FNBP1L: variants seen among roughly 807,000 people sequenced by gnomAD.
The protein encoded by FNBP1L is formin-binding protein 1-like.
A neutral mutation model predicts 91.2 loss-of-function variants in FNBP1L; 36 were observed. That is an observed-to-expected ratio of 0.39 (90% CI 0.30 to 0.52). FNBP1L has a LOEUF of 0.52. Among genes scored for constraint, FNBP1L ranks in the 20% least tolerant of loss-of-function variants. The probability of loss-of-function intolerance (pLI) is 0.66; values close to 1 mark genes in which losing one functional copy is unlikely to be tolerated. For missense variants in FNBP1L, 571 were observed against 732.1 expected (o/e 0.78, Z 2.54); for synonymous variants, 242 against 237.0 (o/e 1.02, Z -0.19).
chr1:93,512,995 G>T (rs1670918481), intron 2 of FNBP1L, among the ~76,000 whole-genome samples: 1 of 151,998 alleles, frequency 6.6e-6, no homozygotes, highest in South Asian at 2.1e-4. Context: ...CTGGTTTTTT[G>T]AAAGGATCAA....
At chr1:93,452,552 A>G (rs1668532325) in intron 1 of FNBP1L, among the ~76,000 whole-genome samples, 1 of 152,204 alleles carries the variant, frequency 6.6e-6, no homozygotes, top group Non-Finnish European at 1.5e-5. Flanking sequence ...TCTGTAACAA[A>G]GGAATTGGGT....
At chr1:93,510,026 G>T (rs1418803031) in intron 2 of FNBP1L, among the ~76,000 whole-genome samples, 1 of 152,106 alleles carries the variant, frequency 6.6e-6, no homozygotes, top group Non-Finnish European at 1.5e-5. Flanking sequence ...GTGGCAGCCA[G>T]GCTGGGGGAG....
At position 93,521,772 on chromosome 1, in the gene FNBP1L, A is replaced by G. The variant is rs149853161; in HGVS notation, c.141-310A>G. The stretch of plus-strand genomic sequence containing the variant: ...TGGAACCCTGGAATACAGAGGGCCA[A>G]TTGTACTTTGTTTCTTCTATTCTTC... On this transcript the variant is annotated intron_variant, in intron 2 of 16. Transcript: ENST00000271234. 1.6e-4 allele frequency among the ~76,000 whole-genome samples: 24 copies of G among 152,298 alleles called. No homozygotes were observed. In the East Asian group the frequency reaches 4.2e-3, roughly 27 times the overall value.
At chr1:93,544,348 C>T (rs553978088) in intron 12 of FNBP1L, 132 bp downstream of exon 12, 2 of 504,970 alleles carry the variant, frequency 4.0e-6, no homozygotes, top group South Asian at 1.1e-4. Context: ...GAGAATTATA[C>T]TCCTACCCTG....
chr1:93,451,721 G>A (rs577071963), intron 1 of FNBP1L, among the ~76,000 whole-genome samples: 1 of 152,014 alleles, frequency 6.6e-6, no homozygotes, highest in East Asian at 1.9e-4. Flanking sequence ...GTGCGATCTC[G>A]GGTCACTGCA....
chr1:93,535,822 A>G (rs1236098340), intron 9 of FNBP1L, among the ~76,000 whole-genome samples: 1 of 145,570 alleles, frequency 6.9e-6, no homozygotes, highest in Non-Finnish European at 1.5e-5. Context: ...TACTGGAATT[A>G]AAAAAAAAAA....
At chr1:93,485,423 T>C (rs1193323906) in intron 1 of FNBP1L, among the ~76,000 whole-genome samples, 1 of 152,180 alleles carries the variant, frequency 6.6e-6, no homozygotes, top group South Asian at 2.1e-4. Flanking sequence ...CATTTATATA[T>C]TGAGTTTGCT....
chr1:93,467,612 C>T (rs1054618021), intron 1 of FNBP1L, among the ~76,000 whole-genome samples: 1 of 152,028 alleles, frequency 6.6e-6, no homozygotes, highest in Non-Finnish European at 1.5e-5. Flanking sequence ...CTGAACTGTA[C>T]ACTTAAAAAT....
At chr1:93,516,328 C>T (rs533666636) in intron 2 of FNBP1L, among the ~76,000 whole-genome samples, 11 of 152,330 alleles carry the variant, frequency 7.2e-5, no homozygotes, top group Admixed American at 3.3e-4. Flanking sequence ...GTCAAATGCT[C>T]TACCACCTGA....
In FNBP1L at chr1:93,523,433, A is replaced by G. The variant is rs1337592241; in HGVS notation, c.284A>G (p.His95Arg). Reference protein sequence around the residue: ...QREVVAEEMAHRVYGELMRYA... With the variant: ...QREVVAEEMARRVYGELMRYA... ...GAAGTTGTAGCAGAAGAAATGGCGC[A>G]CAGAGTGTATGGTGAATTAATGAGA... The change falls in exon 4 of 17, where the codon CAC becomes CGC. Residue 95 changes from histidine (H) to arginine (R), a missense_variant. Transcript: ENST00000271234. 2 of 1,610,642 alleles carry G rather than the reference A, an allele frequency of 1.2e-6. No homozygotes were observed. The highest frequency in any genetic ancestry group is 2.2e-5 in the East Asian group (1 of 44,840).
At chr1:93,450,257 G>C (rs1054246904) in intron 1 of FNBP1L, among the ~76,000 whole-genome samples, 10 of 152,114 alleles carry the variant, frequency 6.6e-5, no homozygotes, top group Admixed American at 3.3e-4. Context: ...AGCATTTAAA[G>C]AGTTTCTCAG....
intron 1 of FNBP1L, among the ~76,000 whole-genome samples, chr1:93,495,479 A>G (rs1670231943): frequency 6.6e-6 from 1 of 152,236 alleles, no homozygotes; most frequent in Admixed American, 6.5e-5. Flanking sequence ...TGCAAAGAAA[A>G]CTAAAGCAGG....
intron 5 of FNBP1L, 54 bp downstream of exon 5, chr1:93,524,377 C>G: frequency 3.1e-6 from 4 of 1,287,250 alleles, no homozygotes; most frequent in Non-Finnish European, 4.2e-6. Context: ...TAGATTAGCC[C>G]TAAATACTTT....
intron 1 of FNBP1L, among the ~76,000 whole-genome samples, chr1:93,470,740 G>T (rs1669255572): frequency 6.6e-6 from 1 of 152,010 alleles, no homozygotes; most frequent in South Asian, 2.1e-4. Flanking sequence ...AGGCGTCATG[G>T]TGCATGCCTG....
intron 1 of FNBP1L, among the ~76,000 whole-genome samples, chr1:93,456,314 A>T (rs1668657453): frequency 6.6e-6 from 1 of 152,236 alleles, no homozygotes; most frequent in Non-Finnish European, 1.5e-5. Context: ...CAAATATCTC[A>T]TGAAAGACGG....
chr1:93,470,673 G>T (rs560196460), intron 1 of FNBP1L, among the ~76,000 whole-genome samples: 1 of 152,212 alleles, frequency 6.6e-6, no homozygotes, highest in African/African-American at 2.4e-5. Flanking sequence ...AGGAGTTCAA[G>T]ATTAGCCTGG....
At chr1:93,471,254 T>C (rs1348731973) in intron 1 of FNBP1L, among the ~76,000 whole-genome samples, 1 of 152,210 alleles carries the variant, frequency 6.6e-6, no homozygotes, top group Non-Finnish European at 1.5e-5. Context: ...ATGCTGTCAC[T>C]CAAAAACTTT....
At chr1:93,548,151 G>A (rs1672300833) in intron 14 of FNBP1L, among the ~76,000 whole-genome samples, 1 of 152,218 alleles carries the variant, frequency 6.6e-6, no homozygotes, top group East Asian at 1.9e-4. Context: ...GGTAATAGTA[G>A]TATCACTTCT....
intron 2 of FNBP1L, among the ~76,000 whole-genome samples, chr1:93,514,815 C>G (rs1671016216): frequency 6.6e-6 from 1 of 151,864 alleles, no homozygotes; most frequent in African/African-American, 2.4e-5. Flanking sequence ...CATAAAAACC[C>G]TAGAAGAAAA....
Sources: allele counts gnomAD v4.1 joint callset (sites outside exome capture counted in the v4.1 genomes callset), GRCh38; gene constraint gnomAD v4.1.1; transcripts MANE v1.5; gene names NCBI Gene and HGNC (gene_info 2026-07-23, HGNC 2026-07-21).